The following PCDHA9 variants were observed in gnomAD, a reference collection of about 807,000 sequenced individuals.
PCDHA9 encodes the protein protocadherin alpha-9.
Under a neutral mutation model 62.0 loss-of-function variants are expected in PCDHA9, and 62 were observed. That is an observed-to-expected ratio of 1.00 (90% CI 0.81 to 1.23). The LOEUF is 1.23. Among genes scored for constraint, PCDHA9 ranks in the 50% most tolerant of loss-of-function variants. PCDHA9 has a pLI of 0.00. For missense variants in PCDHA9, 1,205 were observed against 1,249.8 expected (o/e 0.96, Z 0.54); for synonymous variants, 557 against 567.6 (o/e 0.98, Z 0.27).
intron 2 of PCDHA9, among the ~76,000 whole-genome samples, chr5:140,980,777 A>C (rs2096905451): frequency 6.6e-6 from 1 of 152,244 alleles, no homozygotes; most frequent in Non-Finnish European, 1.5e-5. Flanking sequence ...ATTGAAATTA[A>C]AATGCCATTT....
At chr5:140,878,735 C>T (rs2057715661) in intron 1 of PCDHA9, among the ~76,000 whole-genome samples, 1 of 152,198 alleles carries the variant, frequency 6.6e-6, no homozygotes, top group Non-Finnish European at 1.5e-5. Context: ...AGCCTTATAT[C>T]TACTTTCTTA....
rs377328620 is a variant in PCDHA9 at position 140,928,577 on chromosome 5, A to G, written c.2395-50372A>G. On this transcript the variant is annotated intron_variant, in intron 1 of 3. Coordinates refer to ENST00000532602, the MANE Select transcript of PCDHA9 (RefSeq NM_031857.2). ...GTTATCTTGTTTCCCTTGCCCAGAA[A>G]TGGTTCTGTCCCAGTGGAAATTGTG... is the stretch of plus-strand genomic sequence containing the variant. The G allele has an allele frequency of 3.7e-6, 6 of 1,614,070 alleles. No homozygotes were observed. The African/African-American group carries it at 6.7e-5, about 18-fold the overall frequency.
At chr5:140,901,667 A>G (rs1319008143) in intron 1 of PCDHA9, among the ~76,000 whole-genome samples, 1 of 151,994 alleles carries the variant, frequency 6.6e-6, no homozygotes, top group Non-Finnish European at 1.5e-5. Context: ...TGCTCAAGAT[A>G]CCTTTAGGTA....
intron 1 of PCDHA9, chr5:140,856,304 A>C (rs782114957): frequency 1.3e-5 from 21 of 1,598,432 alleles, no homozygotes; most frequent in Non-Finnish European, 1.8e-5. Flanking sequence ...TTTGTTTGTG[A>C]ATTCTCGGAT....
At chr5:140,853,121 C>T in intron 1 of PCDHA9, 1 of 518,370 alleles carries the variant, frequency 1.9e-6, no homozygotes, top group Middle Eastern at 9.7e-4. Flanking sequence ...CCTCATGATC[C>T]TCCCGCCTCA....
At chr5:140,938,251 A>C (rs1015321564) in intron 1 of PCDHA9, among the ~76,000 whole-genome samples, 4 of 152,176 alleles carry the variant, frequency 2.6e-5, no homozygotes, top group Non-Finnish European at 5.9e-5. Context: ...TGGTCTTTTA[A>C]AAACTTTCTA....
At chr5:140,919,823 T>C (rs1554199267) in intron 1 of PCDHA9, among the ~76,000 whole-genome samples, 1 of 152,222 alleles carries the variant, frequency 6.6e-6, no homozygotes, top group Non-Finnish European at 1.5e-5. Flanking sequence ...AAAATATATG[T>C]CCACATAGTA....
intron 1 of PCDHA9, among the ~76,000 whole-genome samples, chr5:140,964,550 C>T (rs13359943): frequency 0.012 from 1,826 of 152,168 alleles, 28 homozygotes; most frequent in African/African-American, 0.042. Flanking sequence ...ATGGCAGCGA[C>T]TTGGAGGGCT....
chr5:140,918,786 A>T (rs2078853629), intron 1 of PCDHA9, among the ~76,000 whole-genome samples: 1 of 147,002 alleles, frequency 6.8e-6, no homozygotes, highest in African/African-American at 2.6e-5. Context: ...ATGTGAGGAC[A>T]CAGCAAAAAT....
At chr5:140,988,366 G>A (rs1384658783) in intron 3 of PCDHA9, among the ~76,000 whole-genome samples, 2 of 152,122 alleles carry the variant, frequency 1.3e-5, no homozygotes, top group Non-Finnish European at 2.9e-5. Flanking sequence ...TTACTTTCTG[G>A]GGTTGTGAAA....
rs148181752 is a variant in PCDHA9, at chr5:140,966,860, TTGCTGC to T, written c.2395-12081_2395-12076del. 7,760 of 1,577,476 alleles carry T rather than the reference TTGCTGC, an allele frequency of 4.9e-3. 268 individuals are homozygous for T. The African/African-American group carries it at 0.086, about 18-fold the overall frequency. ...GCTGCTACTGCCTCTCCTGCTGCTG[TTGCTGC>T]TGCTGCTACCTGGCCCTGCGGCCTC... On this transcript the variant is annotated intron_variant, in intron 1 of 3. Coordinates refer to ENST00000532602, the MANE Select transcript of PCDHA9 (RefSeq NM_031857.2).
In PCDHA9 at chr5:140,850,114, C is replaced by G. The variant is rs1286583620; in HGVS notation, c.1619C>G (p.Ala540Gly). ...LLQFQVSARD[A>G]GVPPLGSNVT... ...CAGTTCCAGGTGAGCGCGCGCGACG[C>G]GGGCGTGCCGCCTCTGGGCAGCAAC... The change falls in exon 1 of 4, where the codon GCG (alanine) becomes GGG (glycine). Residue 540 changes from alanine (A) to glycine (G), a missense_variant. Coordinates refer to ENST00000532602, the MANE Select transcript of PCDHA9 (RefSeq NM_031857.2). 9 of 1,595,876 alleles carry G rather than the reference C, an allele frequency of 5.6e-6. 1 individual carries two copies. The highest frequency in any genetic ancestry group is 1.1e-5 in the South Asian group (1 of 90,494).
At chr5:140,926,719 A>G (rs1315762828) in intron 1 of PCDHA9, 38 of 986,432 alleles carry the variant, frequency 3.9e-5, no homozygotes, top group Non-Finnish European at 4.4e-5. Flanking sequence ...AGCCCCGGCA[A>G]TGCCGGCGTT....
chr5:140,875,793 G>A (rs2055816565), intron 1 of PCDHA9: 1 of 1,614,100 alleles, frequency 6.2e-7, no homozygotes, highest in Non-Finnish European at 8.5e-7. Flanking sequence ...TCCACCTGGA[G>A]GTGATCGTGG....
At chr5:140,857,104 T>G in intron 1 of PCDHA9, 6 of 1,597,962 alleles carry the variant, frequency 3.8e-6, no homozygotes, top group Non-Finnish European at 5.1e-6. Flanking sequence ...TGATTGTCAC[T>G]TCTCTGTCTC....
intron 1 of PCDHA9, chr5:140,857,650 G>C (rs1212312396): frequency 6.3e-7 from 1 of 1,596,628 alleles, no homozygotes; most frequent in Non-Finnish European, 8.6e-7. Flanking sequence ...AGTTCCAGGT[G>C]AGCGCGCGCG....
intron 1 of PCDHA9, among the ~76,000 whole-genome samples, chr5:140,912,582 T>C (rs2075986919): frequency 6.6e-6 from 1 of 152,214 alleles, no homozygotes. Context: ...TTTTCCAATT[T>C]GGATGCCCTT....
intron 1 of PCDHA9, among the ~76,000 whole-genome samples, chr5:140,976,317 G>A (rs1284415282): frequency 6.6e-6 from 1 of 152,212 alleles, no homozygotes; most frequent in Admixed American, 6.5e-5. Context: ...TTGGGAGGCC[G>A]AGGAGGGTGG....
chr5:140,968,587 C>T (rs1554230892), intron 1 of PCDHA9: 8 of 1,614,196 alleles, frequency 5.0e-6, no homozygotes, highest in Non-Finnish European at 6.8e-6. Context: ...TCACCAAAGT[C>T]ATAGCTATGG....
Sources: allele counts gnomAD v4.1 joint callset (sites outside exome capture counted in the v4.1 genomes callset), GRCh38; gene constraint gnomAD v4.1.1; transcripts MANE v1.5; gene names NCBI Gene and HGNC (gene_info 2026-07-23, HGNC 2026-07-21).